The following PLXNA4 variants were observed in gnomAD, a reference collection of about 807,000 sequenced individuals.
PLXNA4 encodes the protein plexin A4.
PLXNA4 carries 44 observed loss-of-function variants against 191.8 expected under a neutral mutation model. That is an observed-to-expected ratio of 0.23 (90% CI 0.18 to 0.29). PLXNA4 has a LOEUF of 0.29. PLXNA4 is among the 10% of genes least tolerant of loss of function. PLXNA4 has a pLI of 1.00. For synonymous variants in PLXNA4, 1,082 were observed against 1,009.5 expected (o/e 1.07, Z -1.36); for missense variants, 1,800 against 2,488.8 (o/e 0.72, Z 5.89).
chr7:132,312,418 C>T (rs1801780023), intron 3 of PLXNA4, among the ~76,000 whole-genome samples: 1 of 152,076 alleles, frequency 6.6e-6, no homozygotes, highest in Non-Finnish European at 1.5e-5. Flanking sequence ...TGCCTCTCCC[C>T]ATGTTTCAGA....
At chr7:132,238,363 T>C (rs1798771909) in intron 5 of PLXNA4, among the ~76,000 whole-genome samples, 1 of 152,186 alleles carries the variant, frequency 6.6e-6, no homozygotes, top group Non-Finnish European at 1.5e-5. Context: ...CCAGCGACTT[T>C]ATGGAACATA....
chr7:132,629,540 A>T (rs1487564052), intron 2 of PLXNA4, among the ~76,000 whole-genome samples: 1 of 152,192 alleles, frequency 6.6e-6, no homozygotes, highest in Non-Finnish European at 1.5e-5. Flanking sequence ...ACTCTTCTAG[A>T]TGAAACTGAT....
rs907073347 is a variant in PLXNA4, at chr7:132,489,459, C to T, written c.1204G>A (p.Asp402Asn). The T allele has an allele frequency of 5.1e-6, 8 of 1,568,428 alleles. No individual in the cohort carries two copies. The highest frequency in any genetic ancestry group is 2.7e-5 in the African/African-American group (2 of 74,284). ...PCSSALLTID[D>N]NFCGLDMNAP... ...TTCATGTCCAGGCCACAGAAGTTAT[C>T]GTCAATGGTTAAGAGCTGCAAATTT... is the stretch of plus-strand genomic sequence containing the variant. The change falls in exon 3 of 32, where the codon GAT becomes AAT. Residue 402 changes from aspartate (D) to asparagine (N), a missense_variant. By Grantham distance (23) the Asp-to-Asn change is conservative. Transcript: ENST00000321063.
intron 4 of PLXNA4, among the ~76,000 whole-genome samples, chr7:132,272,076 A>G (rs1322595911): frequency 6.6e-6 from 1 of 152,216 alleles, no homozygotes; most frequent in Non-Finnish European, 1.5e-5. Flanking sequence ...ATGAGGGTTT[A>G]GGTAGGTTTT....
At chr7:132,373,636 TGAAACCCCTGGGCCTTCACTGTGAG>T (rs895957352) in intron 3 of PLXNA4, among the ~76,000 whole-genome samples, 6 of 152,164 alleles carry the variant, frequency 3.9e-5, no homozygotes, top group African/African-American at 1.4e-4. Context: ...CAAATACACT[TGAAACCCCTGGGCCTTCACTGTGAG>T]GAAACAGCTC....
chr7:132,361,569 T>C (rs1170161013), intron 3 of PLXNA4, among the ~76,000 whole-genome samples: 3 of 152,218 alleles, frequency 2.0e-5, no homozygotes, highest in Non-Finnish European at 4.4e-5. Flanking sequence ...TAAGAGAATA[T>C]TTTTTCCAAC....
chr7:132,499,418 G>A (rs1354935997), intron 2 of PLXNA4, among the ~76,000 whole-genome samples: 1 of 152,224 alleles, frequency 6.6e-6, no homozygotes, highest in Admixed American at 6.5e-5. Context: ...TCTCAGCATT[G>A]CGAATGGTAA....
At chr7:132,170,766 C>CTAGCCCGT (rs968734096) in intron 21 of PLXNA4, among the ~76,000 whole-genome samples, 25 of 152,364 alleles carry the variant, frequency 1.6e-4, no homozygotes, top group Admixed American at 5.2e-4. Context: ...AAACCTCCAA[C>CTAGCCCGT]TAGCCCGTCA....
intron 5 of PLXNA4, among the ~76,000 whole-genome samples, chr7:132,232,026 C>A (rs1473246153): frequency 1.3e-5 from 2 of 152,140 alleles, no homozygotes; most frequent in African/African-American, 4.8e-5. Flanking sequence ...AAAGCACAGA[C>A]AATTGACCTT....
At chr7:132,570,482 G>A (rs1032346804) in intron 1 of PLXNA4, among the ~76,000 whole-genome samples, 2 of 152,188 alleles carry the variant, frequency 1.3e-5, no homozygotes, top group African/African-American at 4.8e-5. Flanking sequence ...TCTAGTTTGA[G>A]CCTCCACACT....
In PLXNA4 at chr7:132,587,713, A is replaced by C. The variant is rs374658022; in HGVS notation, c.-87+58215T>G. 2.6e-5 allele frequency among the ~76,000 whole-genome samples: 4 copies of C among 152,178 alleles called. No individual in the cohort carries two copies. In the East Asian group the frequency reaches 7.8e-4, roughly 30 times the overall value. On this transcript the variant is annotated intron_variant, in intron 2 of 4. Transcript: ENST00000378539. ...AGTCAAGGATGAAGCCAGAAACATA[A>C]GGCCAAGGGTGGGACGAAGGGAAGA...
intron 1 of PLXNA4, among the ~76,000 whole-genome samples, chr7:132,536,717 A>C (rs1304218718): frequency 1.3e-5 from 2 of 152,214 alleles, no homozygotes; most frequent in Non-Finnish European, 2.9e-5. Context: ...CCAGCCACGG[A>C]GCTATGCCTG....
chr7:132,409,811 C>T (rs751727979), intron 3 of PLXNA4, among the ~76,000 whole-genome samples: 6 of 152,176 alleles, frequency 3.9e-5, no homozygotes, highest in Non-Finnish European at 5.9e-5. Flanking sequence ...CCGTCACCTG[C>T]GGATACCTCC....
intron 3 of PLXNA4, among the ~76,000 whole-genome samples, chr7:132,349,025 T>C (rs1364808383): frequency 6.6e-6 from 1 of 152,152 alleles, no homozygotes; most frequent in Admixed American, 6.5e-5. Flanking sequence ...CCACCATGTG[T>C]ACTTCTGTTT....
intron 3 of PLXNA4, among the ~76,000 whole-genome samples, chr7:132,441,845 G>T (rs902318132): frequency 6.6e-6 from 1 of 152,192 alleles, no homozygotes; most frequent in Admixed American, 6.5e-5. Flanking sequence ...ATCAGAGAAG[G>T]ATGATCCCAA....
intron 4 of PLXNA4, among the ~76,000 whole-genome samples, chr7:132,295,592 T>G (rs777329481): frequency 3.3e-5 from 5 of 152,186 alleles, no homozygotes; most frequent in African/African-American, 4.8e-5. Flanking sequence ...TGCTTTGCCC[T>G]GAGCTCTATT....
At chr7:132,326,056 C>T (rs910991354) in intron 3 of PLXNA4, among the ~76,000 whole-genome samples, 6 of 152,152 alleles carry the variant, frequency 3.9e-5, no homozygotes, top group African/African-American at 1.4e-4. Context: ...AGATGAAATG[C>T]ATGTTTGAGT....
chr7:132,336,784 T>G (rs1802835653), intron 3 of PLXNA4, among the ~76,000 whole-genome samples: 1 of 152,272 alleles, frequency 6.6e-6, no homozygotes, highest in African/African-American at 2.4e-5. Context: ...CTTGAGCAAC[T>G]GGTTGCTTTC....
chr7:132,260,270 T>A (rs1799590711), intron 4 of PLXNA4, among the ~76,000 whole-genome samples: 1 of 152,170 alleles, frequency 6.6e-6, no homozygotes, highest in Non-Finnish European at 1.5e-5. Flanking sequence ...TGCCCATCAA[T>A]GGAAGACTGG....
Sources: gnomAD v4.1 joint callset for allele counts (sites outside exome capture counted in the v4.1 genomes callset) on GRCh38, gnomAD v4.1.1 for gene constraint, MANE v1.5 for transcripts, NCBI Gene and HGNC (gene_info 2026-07-23, HGNC 2026-07-21) for gene names.